PSIP1: variants seen among roughly 807,000 people sequenced by gnomAD.
PSIP1 encodes the protein PC4 and SFRS1-interacting protein.
Under a neutral mutation model 74.7 loss-of-function variants are expected in PSIP1, and 19 were observed. The observed-to-expected ratio is 0.25, with a 90% CI of 0.18 to 0.37. The LOEUF is 0.37. PSIP1 is among the 10% of genes least tolerant of loss of function. PSIP1 has a pLI of 1.00. For missense variants in PSIP1, 601 were observed against 614.3 expected (o/e 0.98, Z 0.23); for synonymous variants, 222 against 195.3 (o/e 1.14, Z -1.14).
chr9:15,488,782 G>A (rs1017135495), intron 4 of PSIP1, among the ~76,000 whole-genome samples: 2 of 151,900 alleles, frequency 1.3e-5, no homozygotes, highest in African/African-American at 4.8e-5. Context: ...AACACTCTGG[G>A]GGGCCGAGGC....
chr9:15,505,650 C>G (rs1446817494), intron 3 of PSIP1: 1 of 152,094 alleles, frequency 6.6e-6, no homozygotes, highest in East Asian at 1.9e-4. Flanking sequence ...TTATGATAGT[C>G]AATATACTAA....
chr9:15,466,931 T>TC, intron 14 of PSIP1, 72 bp from the exon 15 acceptor site: 1 of 1,160,594 alleles, frequency 8.6e-7, no homozygotes. Context: ...CCACTAAAGA[T>TC]CCAGAATCAA....
intron 2 of PSIP1, among the ~76,000 whole-genome samples, chr9:15,507,343 T>C (rs1001964505): frequency 3.3e-5 from 5 of 152,184 alleles, no homozygotes; most frequent in East Asian, 1.9e-4. Context: ...AGCAGTACTA[T>C]CTAGCTAGAA....
At chr9:15,502,639 C>G (rs1287714176) in intron 3 of PSIP1, among the ~76,000 whole-genome samples, 3 of 152,150 alleles carry the variant, frequency 2.0e-5, no homozygotes, top group Non-Finnish European at 4.4e-5. Flanking sequence ...CAAGAGCGGA[C>G]AGATCCGAAT....
At chr9:15,466,329 G>A (rs1206726900) in intron 15 of PSIP1, among the ~76,000 whole-genome samples, 11 of 152,198 alleles carry the variant, frequency 7.2e-5, no homozygotes, top group African/African-American at 1.9e-4. Context: ...CAGTGAGCAC[G>A]ATCGTGCCAT....
intron 4 of PSIP1, among the ~76,000 whole-genome samples, chr9:15,488,892 GCA>G (rs1412753047): frequency 1.3e-5 from 2 of 151,932 alleles, no homozygotes; most frequent in African/African-American, 2.4e-5. Context: ...GTGGTGGCGG[GCA>G]CCTGTAGTCC....
At chr9:15,473,744 T>C (rs1134454) in intron 9 of PSIP1, among the ~76,000 whole-genome samples, 5 of 151,598 alleles carry the variant, frequency 3.3e-5, no homozygotes, top group African/African-American at 1.2e-4. Flanking sequence ...CCACTAAAAA[T>C]ACAAAAATTA....
chr9:15,473,998 A>T lies in PSIP1; in HGVS notation c.858+11T>A, dbSNP rs772821600. Reference sequence around the variant, plus strand: ...AATAGAACAGCCATTTTATATATGTAAACTTTATACCTTTTCACCTTCTTG... The same window carrying T: ...AATAGAACAGCCATTTTATATATGTTAACTTTATACCTTTTCACCTTCTTG... On this transcript the variant is annotated intron_variant, in intron 9 of 15. Transcript: ENST00000380733. The T allele has an allele frequency of 1.9e-6, 3 of 1,592,636 alleles. No individual in the cohort carries two copies. The highest frequency in any genetic ancestry group is 2.6e-6 in the Non-Finnish European group (3 of 1,166,402).
chr9:15,468,176 G>A (rs2795124), intron 14 of PSIP1, among the ~76,000 whole-genome samples: 16,565 of 151,236 alleles, frequency 0.11, 1,655 homozygotes, highest in African/African-American at 0.27. Context: ...TCTGTTCAGG[G>A]TAACTCAGCA....
intron 3 of PSIP1, among the ~76,000 whole-genome samples, chr9:15,491,729 C>G (rs1171494181): frequency 6.6e-6 from 1 of 152,134 alleles, no homozygotes; most frequent in Non-Finnish European, 1.5e-5. Context: ...TCTCACGCTG[C>G]TATGAAGAAA....
At chr9:15,476,107 C>A (rs1161750399) in intron 8 of PSIP1, among the ~76,000 whole-genome samples, 1 of 152,134 alleles carries the variant, frequency 6.6e-6, no homozygotes, top group African/African-American at 2.4e-5. Context: ...CAGTTTAGTT[C>A]TGCACTCCAC....
chr9:15,475,092 C>G (rs934093008), intron 8 of PSIP1, among the ~76,000 whole-genome samples: 8 of 152,126 alleles, frequency 5.3e-5, no homozygotes, highest in African/African-American at 1.9e-4. Flanking sequence ...TAACCTCTTT[C>G]CAGACAAGTG....
At chr9:15,491,554 G>A (rs1478495075) in intron 3 of PSIP1, among the ~76,000 whole-genome samples, 2 of 152,052 alleles carry the variant, frequency 1.3e-5, no homozygotes, top group Non-Finnish European at 2.9e-5. Flanking sequence ...GCATATGTGT[G>A]TACATATATA....
In PSIP1 at chr9:15,510,850, C is replaced by T. The variant is rs187042036; in HGVS notation, c.-175G>A. 3.3e-5 allele frequency: 5 copies of T among 152,168 alleles called. No individual in the cohort carries two copies. The East Asian group carries it at 9.7e-4, about 30-fold the overall frequency. 9.4% of individuals were successfully genotyped at this position (152,168 alleles called of 1,614,324 possible). On this transcript the variant is annotated 5_prime_UTR_variant, in exon 1 of 16. Coordinates refer to ENST00000380733, the MANE Select transcript of PSIP1 (RefSeq NM_033222.5). ...GCCGCGGGCGCCGACGCTGCGGTTG[C>T]TGGCCGGTCGCCTCTACCCGCGTCC...
Position 15,464,170 on chromosome 9 carries a change from A to T in PSIP1, c.*1350T>A, listed in dbSNP as rs1487868793. 3.7e-5 allele frequency: 7 copies of T among 187,426 alleles called. No individual in the cohort carries two copies. The highest frequency in any genetic ancestry group is 1.6e-4 in the African/African-American group (7 of 42,750). 11.6% of individuals were successfully genotyped at this position (187,426 alleles called of 1,614,324 possible). On this transcript the variant is annotated 3_prime_UTR_variant, in exon 16 of 16. Coordinates refer to ENST00000380733, the MANE Select transcript of PSIP1 (RefSeq NM_033222.5). Reference sequence around the variant, plus strand: ...AAACTGTATAAGGACCAAACAGATAATGACTGGTATATATGCAGGTTCTCT... The same window carrying T: ...AAACTGTATAAGGACCAAACAGATATTGACTGGTATATATGCAGGTTCTCT...
At chr9:15,479,007 T>C (rs2036220656) in intron 7 of PSIP1, among the ~76,000 whole-genome samples, 2 of 152,058 alleles carry the variant, frequency 1.3e-5, no homozygotes, top group African/African-American at 4.8e-5. Context: ...TAAATAAAAA[T>C]CTTTTTTCTT....
intron 3 of PSIP1, among the ~76,000 whole-genome samples, chr9:15,499,816 G>C (rs1022004692): frequency 1.3e-5 from 2 of 150,874 alleles, no homozygotes; most frequent in Admixed American, 6.6e-5. Context: ...AGAGGTTGCA[G>C]TGAGCCAAGA....
At chr9:15,480,812 T>C (rs373137175) in intron 6 of PSIP1, among the ~76,000 whole-genome samples, 116 of 152,074 alleles carry the variant, frequency 7.6e-4, no homozygotes, top group African/African-American at 2.5e-3. Flanking sequence ...CCCAGCTACA[T>C]AGGAAACTGA....
At chr9:15,465,696 A>C in intron 15 of PSIP1, 116 bp from the exon 16 acceptor site, 1 of 794,514 alleles carries the variant, frequency 1.3e-6, no homozygotes, top group Non-Finnish European at 2.0e-6. Flanking sequence ...AACCAACCAA[A>C]CAAAAGAAAA....
Sources: allele counts gnomAD v4.1 joint callset (sites outside exome capture counted in the v4.1 genomes callset), GRCh38; gene constraint gnomAD v4.1.1; transcripts MANE v1.5; gene names NCBI Gene and HGNC (gene_info 2026-07-23, HGNC 2026-07-21).